PRKD1: variants seen among roughly 807,000 people sequenced by gnomAD.
The protein encoded by PRKD1 is serine/threonine-protein kinase D1.
PRKD1 carries 63 observed loss-of-function variants against 95.9 expected under a neutral mutation model. That is an observed-to-expected ratio of 0.66 (90% CI 0.54 to 0.81). The LOEUF is 0.81. PRKD1 is among the 30% of genes least tolerant of loss of function. PRKD1 has a pLI of 0.00. For synonymous variants in PRKD1, 425 were observed against 423.1 expected, an observed-to-expected ratio of 1.00 and a Z score of -0.05; for missense variants, 1,048 against 1,165.3, an observed-to-expected ratio of 0.90 and a Z score of 1.47.
chr14:29,629,068 T>A lies in PRKD1; in HGVS notation c.1698A>T (p.Val566=). ...LHRDISVSIS[V]SNCQIQENVD... is the part of the protein sequence containing the mutation. ...CATTTTCTTGAATCTGGCAATTTGA[T>A]ACTGAAATACTCACAGAGATATCTC... The change falls in exon 11 of 18, where the codon GTA becomes GTT. Residue 566 remains valine (V), a synonymous_variant. Transcript: ENST00000331968. 1.2e-6 allele frequency: 2 copies of A among 1,608,430 alleles called. No homozygotes were observed. Among genetic ancestry groups the A allele is most frequent in the South Asian group, 1.1e-5 (1 of 90,290 alleles).
At chr14:29,599,268 T>G in intron 14 of PRKD1, 143 bp from the exon 15 acceptor site, 1 of 701,048 alleles carries the variant, frequency 1.4e-6, no homozygotes, top group Admixed American at 2.9e-5. Context: ...TAGATTAACA[T>G]AGGTTTCTAA....
chr14:29,911,822 C>T (rs1045844248), intron 1 of PRKD1, among the ~76,000 whole-genome samples: 7 of 152,156 alleles, frequency 4.6e-5, no homozygotes, highest in African/African-American at 1.4e-4. Context: ...AATGTGGTTC[C>T]TTCTGGAAGG....
chr14:29,646,211 T>C (rs916509582), intron 4 of PRKD1, among the ~76,000 whole-genome samples: 1 of 152,140 alleles, frequency 6.6e-6, no homozygotes, highest in African/African-American at 2.4e-5. Flanking sequence ...AATGGCTATG[T>C]TGTGCATTAT....
intron 1 of PRKD1, among the ~76,000 whole-genome samples, chr14:29,873,685 T>C (rs1893189848): frequency 6.6e-6 from 1 of 152,128 alleles, no homozygotes; most frequent in Admixed American, 6.5e-5. Flanking sequence ...TTTTCATCAG[T>C]AGTTTACACA....
At chr14:29,908,008 C>T (rs1894552326) in intron 1 of PRKD1, among the ~76,000 whole-genome samples, 1 of 151,998 alleles carries the variant, frequency 6.6e-6, no homozygotes, top group South Asian at 2.1e-4. Flanking sequence ...TTTATTTGTT[C>T]ACCGTGAAAC....
At chr14:29,847,240 T>C (rs537757205) in intron 1 of PRKD1, among the ~76,000 whole-genome samples, 15 of 152,282 alleles carry the variant, frequency 9.9e-5, no homozygotes, top group African/African-American at 3.4e-4. Flanking sequence ...ACCACAGTAA[T>C]TACAATGAGT....
At chr14:29,715,486 C>T (rs2139367652) in intron 2 of PRKD1, among the ~76,000 whole-genome samples, 1 of 152,124 alleles carries the variant, frequency 6.6e-6, no homozygotes, top group South Asian at 2.1e-4. Flanking sequence ...CTGTGCAGAC[C>T]TAGATAAATG....
At chr14:29,751,456 G>A (rs1226644308) in intron 1 of PRKD1, among the ~76,000 whole-genome samples, 1 of 152,102 alleles carries the variant, frequency 6.6e-6, no homozygotes, top group Non-Finnish European at 1.5e-5. Context: ...AGTTTTATAA[G>A]GACATGATGT....
chr14:29,584,873 G>C (rs1170494661), intron 16 of PRKD1, among the ~76,000 whole-genome samples: 2 of 151,996 alleles, frequency 1.3e-5, no homozygotes, highest in East Asian at 3.9e-4. Context: ...TTTCAGGCGG[G>C]AAATCACCTG....
intron 1 of PRKD1, among the ~76,000 whole-genome samples, chr14:29,833,783 T>G (rs1165585347): frequency 2.0e-5 from 3 of 152,116 alleles, no homozygotes; most frequent in Non-Finnish European, 4.4e-5. Context: ...GAAATTGCTA[T>G]TTGTTGAATT....
rs1566505296 is a variant in PRKD1, at chr14:29,638,761, C to A, written c.840G>T (p.Arg280=). Residue 280 remains arginine, a synonymous_variant, in exon 5 of 18, where the codon CGG becomes CGT. Transcript: ENST00000331968. ...PHTFVIHSYT[R]PTVCQYCKKL... is the part of the protein sequence containing the mutation. ...TCTTGCAGTACTGGCACACTGTGGG[C>A]CGGGTGTAGGAGTGGATGACAAATG... The A allele has an allele frequency of 6.2e-7, 1 of 1,614,016 alleles. No individual in the cohort carries two copies. Among genetic ancestry groups the A allele is most frequent in the Non-Finnish European group, 8.5e-7 (1 of 1,179,996 alleles).
intron 2 of PRKD1, among the ~76,000 whole-genome samples, chr14:29,685,124 G>T (rs1883780049): frequency 6.6e-6 from 1 of 152,174 alleles, no homozygotes; most frequent in South Asian, 2.1e-4. Context: ...GGCCAATGTG[G>T]CTTCTTGCCA....
intron 1 of PRKD1, among the ~76,000 whole-genome samples, chr14:29,849,283 T>C (rs1892205244): frequency 6.6e-6 from 1 of 152,186 alleles, no homozygotes; most frequent in Admixed American, 6.5e-5. Context: ...TCTCATTCAC[T>C]TTCCACCATA....
chr14:29,676,176 C>CTTTTTTTTTTTT, intron 2 of PRKD1, among the ~76,000 whole-genome samples: 1 of 62,236 alleles, frequency 1.6e-5, no homozygotes, highest in Admixed American at 1.5e-4. Context: ...TAGTTCATTA[C>CTTTTTTTTTTTT]GTTTTTGTTT....
At chr14:29,609,506 GCACACACA>G (rs150570301) in intron 13 of PRKD1, among the ~76,000 whole-genome samples, 12 of 127,488 alleles carry the variant, frequency 9.4e-5, no homozygotes, top group South Asian at 9.2e-4. Context: ...GTGTGTGCGT[GCACACACA>G]CACACACACA....
chr14:29,837,977 C>T (rs1891676618), intron 1 of PRKD1, among the ~76,000 whole-genome samples: 2 of 152,190 alleles, frequency 1.3e-5, no homozygotes, highest in South Asian at 4.1e-4. Context: ...TTAGAAAATA[C>T]TGTTCCTTCA....
At chr14:29,798,300 A>G (rs1889897365) in intron 1 of PRKD1, among the ~76,000 whole-genome samples, 1 of 152,238 alleles carries the variant, frequency 6.6e-6, no homozygotes, top group Non-Finnish European at 1.5e-5. Flanking sequence ...CTCATGTGGC[A>G]GAAGCGCCAC....
chr14:29,585,103 T>G (rs913975577), intron 16 of PRKD1, among the ~76,000 whole-genome samples: 1 of 152,072 alleles, frequency 6.6e-6, no homozygotes, highest in African/African-American at 2.4e-5. Flanking sequence ...CCTGTCACAG[T>G]GTAGTGCTTA....
intron 1 of PRKD1, among the ~76,000 whole-genome samples, chr14:29,807,564 T>A (rs1352734751): frequency 6.6e-6 from 1 of 151,682 alleles, no homozygotes; most frequent in Non-Finnish European, 1.5e-5. Context: ...GCCTGGCTAA[T>A]TTTTGTATTT....
Sources: allele counts gnomAD v4.1 joint callset (sites outside exome capture counted in the v4.1 genomes callset), GRCh38; gene constraint gnomAD v4.1.1; transcripts MANE v1.5; gene names NCBI Gene and HGNC (gene_info 2026-07-23, HGNC 2026-07-21).